The following GALNT17 variants were observed in gnomAD, a reference collection of about 807,000 sequenced individuals.
GALNT17 encodes UDP-GalNAc:polypeptide N-acetylgalactosaminyltransferase-like 3.
In GALNT17, 29 loss-of-function variants were observed where a neutral mutation model predicts 63.7. The ratio of observed to expected loss-of-function variants is 0.46; its 90% CI spans 0.34 to 0.62. GALNT17 has a LOEUF of 0.62. Ranked by LOEUF, GALNT17 falls within the 20% of genes least tolerant of loss-of-function variation. The probability of loss-of-function intolerance (pLI) is 0.01; values close to 1 mark genes in which losing one functional copy is unlikely to be tolerated. For missense variants in GALNT17, 603 were observed against 799.6 expected, an observed-to-expected ratio of 0.75 and a Z score of 2.97; for synonymous variants, 305 against 318.3, an observed-to-expected ratio of 0.96 and a Z score of 0.45.
At chr7:71,592,544 A>AAGAAAATAAAATAGCATAGC (rs1554313232) in intron 6 of GALNT17, among the ~76,000 whole-genome samples, 5 of 115,354 alleles carry the variant, frequency 4.3e-5, no homozygotes, top group Non-Finnish European at 8.7e-5. Context: ...AATAAAATAA[A>AAGAAAATAAAATAGCATAGC]ATAGCATAGC....
At chr7:71,530,415 TTCTA>T (rs1389577627) in intron 5 of GALNT17, among the ~76,000 whole-genome samples, 1 of 152,198 alleles carries the variant, frequency 6.6e-6, no homozygotes, top group Non-Finnish European at 1.5e-5. Context: ...AGTACTCATT[TTCTA>T]TCTCAGTTAT....
chr7:71,531,140 C>T (rs1050001702), intron 5 of GALNT17, among the ~76,000 whole-genome samples: 2 of 151,978 alleles, frequency 1.3e-5, no homozygotes, highest in Non-Finnish European at 1.5e-5. Flanking sequence ...AAGTAGTACA[C>T]GTATGCAAAT....
At position 71,335,593 on chromosome 7, in the gene GALNT17, G is replaced by GCGC. The variant is rs1563012231; in HGVS notation, c.282_283insCGC (p.Arg94dup). On this transcript the variant is annotated inframe_insertion, in exon 2 of 11. Coordinates refer to ENST00000333538, the MANE Select transcript of GALNT17 (RefSeq NM_022479.3). The stretch of plus-strand genomic sequence containing the variant: ...GGCTCATTGAAGGTTATGGTGGGCG[G>GCGC]GGTAAAGGGGGCCTTCCGGCTACTC... 2 of 1,611,950 alleles carry GCGC rather than the reference G, an allele frequency of 1.2e-6. No individual in the cohort carries two copies. The highest frequency in any genetic ancestry group is 2.2e-5 in the South Asian group (2 of 90,722).
At chr7:71,209,637 A>C (rs556410723) in intron 1 of GALNT17, among the ~76,000 whole-genome samples, 1 of 152,300 alleles carries the variant, frequency 6.6e-6, no homozygotes, top group South Asian at 2.1e-4. Flanking sequence ...CTGGGACTGC[A>C]GGTGTGCATC....
chr7:71,616,464 CATTA>C (rs1198137877), intron 6 of GALNT17, among the ~76,000 whole-genome samples: 2 of 146,892 alleles, frequency 1.4e-5, no homozygotes, highest in Admixed American at 6.8e-5. Flanking sequence ...TAGTAAATAT[CATTA>C]ATTATATACT....
intron 5 of GALNT17, among the ~76,000 whole-genome samples, chr7:71,568,283 C>T (rs1789383135): frequency 6.6e-6 from 1 of 152,180 alleles, no homozygotes; most frequent in South Asian, 2.1e-4. Flanking sequence ...TCTCCGTGTG[C>T]CTCAGTCGTT....
chr7:71,321,902 C>CCTTCCTTCCTTCCTTTCTTCCTTT (rs1554353220), intron 1 of GALNT17, among the ~76,000 whole-genome samples: 1 of 70,006 alleles, frequency 1.4e-5, no homozygotes, highest in Non-Finnish European at 2.7e-5. Context: ...TTCCTTCCTT[C>CCTTCCTTCCTTCCTTTCTTCCTTT]CTTCCTTCCT....
intron 5 of GALNT17, among the ~76,000 whole-genome samples, chr7:71,507,560 G>A (rs1788288202): frequency 6.6e-6 from 1 of 152,134 alleles, no homozygotes; most frequent in Non-Finnish European, 1.5e-5. Context: ...GACCCCTTGA[G>A]TTTGAATTTT....
intron 5 of GALNT17, among the ~76,000 whole-genome samples, chr7:71,423,105 C>G (rs1786696366): frequency 6.6e-6 from 1 of 152,110 alleles, no homozygotes; most frequent in Non-Finnish European, 1.5e-5. Context: ...CACTGTGGTC[C>G]CGGGTTTTTA....
intron 1 of GALNT17, among the ~76,000 whole-genome samples, chr7:71,162,883 T>A (rs918038585): frequency 6.6e-6 from 1 of 151,924 alleles, no homozygotes; most frequent in African/African-American, 2.4e-5. Context: ...CTTAGGAGGG[T>A]TTTGAACTCA....
chr7:71,163,739 C>T (rs1187038848), intron 1 of GALNT17, among the ~76,000 whole-genome samples: 3 of 152,140 alleles, frequency 2.0e-5, no homozygotes, highest in Non-Finnish European at 4.4e-5. Flanking sequence ...TTCTGAAGGC[C>T]TCTTAGATAG....
chr7:71,654,667 C>T (rs895753699), intron 6 of GALNT17, among the ~76,000 whole-genome samples: 4 of 133,112 alleles, frequency 3.0e-5, no homozygotes, highest in African/African-American at 9.9e-5. Context: ...TTCACTGTTA[C>T]GTTAAGAGAC....
chr7:71,148,428 G>T (rs1788064636), intron 1 of GALNT17, among the ~76,000 whole-genome samples: 1 of 152,150 alleles, frequency 6.6e-6, no homozygotes, highest in Admixed American at 6.6e-5. Context: ...TCCTACATGT[G>T]AGCCAGGACA....
chr7:71,534,926 G>A (rs1388353416), intron 5 of GALNT17, among the ~76,000 whole-genome samples: 7 of 152,152 alleles, frequency 4.6e-5, no homozygotes, highest in East Asian at 3.9e-4. Context: ...TCTGTGATAC[G>A]GTGTACTAGG....
chr7:71,710,935 G>T lies in GALNT17; in HGVS notation c.1668+7G>T. On this transcript the variant is annotated splice_region_variant and intron_variant, in intron 10 of 10. Transcript: ENST00000333538. ...GCGCTGGAACTTCATCCAGGTGAGTGCTGTATGGACAGAGCCAGCACCCAG... is the reference window on the plus strand; with the variant it reads ...GCGCTGGAACTTCATCCAGGTGAGTTCTGTATGGACAGAGCCAGCACCCAG... 1 of 1,613,036 alleles carries T rather than the reference G, an allele frequency of 6.2e-7. No individual in the cohort carries two copies.
intron 6 of GALNT17, 136 bp downstream of exon 6, chr7:71,571,538 G>A (rs1697787692): frequency 2.7e-6 from 2 of 736,870 alleles, no homozygotes; most frequent in South Asian, 3.3e-5. Context: ...GTTCCTGGGG[G>A]ATGCATGAGC....
At chr7:71,643,232 G>T (rs1440363494) in intron 6 of GALNT17, among the ~76,000 whole-genome samples, 1 of 152,070 alleles carries the variant, frequency 6.6e-6, no homozygotes, top group Non-Finnish European at 1.5e-5. Flanking sequence ...ACTTTGAGAG[G>T]CAAGGCAGGT....
At chr7:71,701,884 TATATATATATACACATATATATATATAC>T (rs1791651814) in intron 9 of GALNT17, among the ~76,000 whole-genome samples, 1 of 114,162 alleles carries the variant, frequency 8.8e-6, no homozygotes, top group African/African-American at 3.7e-5. Flanking sequence ...TATATATGTA[TATATATATATACACATATATATATATAC>T]ATATATATAT....
chr7:71,491,271 G>A (rs1788002817), intron 5 of GALNT17, among the ~76,000 whole-genome samples: 1 of 152,146 alleles, frequency 6.6e-6, no homozygotes, highest in South Asian at 2.1e-4. Context: ...TCCTGCTCAT[G>A]CTCCCTGGGT....
Sources: gnomAD v4.1 joint callset for allele counts (sites outside exome capture counted in the v4.1 genomes callset) on GRCh38, gnomAD v4.1.1 for gene constraint, MANE v1.5 for transcripts, NCBI Gene and HGNC (gene_info 2026-07-23, HGNC 2026-07-21) for gene names.